MAST4: variants seen among roughly 807,000 people sequenced by gnomAD.
MAST4 encodes the protein microtubule-associated serine/threonine-protein kinase 4.
A neutral mutation model predicts 162.7 loss-of-function variants in MAST4; 89 were observed. The ratio of observed to expected loss-of-function variants is 0.55; its 90% CI spans 0.46 to 0.65. The LOEUF (loss-of-function observed/expected upper bound fraction) is 0.65, where lower values mean the gene tolerates loss of function less well. Among genes scored for constraint, MAST4 ranks in the 30% least tolerant of loss-of-function variants. The pLI is 0.00. For synonymous variants in MAST4, 1,479 were observed against 1,361.1 expected, an observed-to-expected ratio of 1.09 and a Z score of -1.91; for missense variants, 3,153 against 3,374.0, an observed-to-expected ratio of 0.93 and a Z score of 1.62.
intron 17 of MAST4, among the ~76,000 whole-genome samples, chr5:67,133,900 G>A (rs938318118): frequency 1.3e-5 from 2 of 152,178 alleles, no homozygotes; most frequent in Non-Finnish European, 2.9e-5. Context: ...GCACACAAGT[G>A]AGAGTGTGAG....
chr5:67,162,069 G>A (rs1028842805), intron 27 of MAST4, among the ~76,000 whole-genome samples: 3 of 152,054 alleles, frequency 2.0e-5, no homozygotes, highest in African/African-American at 4.8e-5. Flanking sequence ...CACCTTTCTC[G>A]GTTTTTTCTA....
intron 1 of MAST4, among the ~76,000 whole-genome samples, chr5:66,745,218 T>G (rs919808821): frequency 6.6e-6 from 1 of 152,206 alleles, no homozygotes; most frequent in African/African-American, 2.4e-5. Context: ...GCCTTCCTCC[T>G]CACCACTGTT....
intron 3 of MAST4, among the ~76,000 whole-genome samples, chr5:66,831,721 C>T (rs996992863): frequency 6.6e-6 from 1 of 152,280 alleles, no homozygotes; most frequent in Non-Finnish European, 1.5e-5. Flanking sequence ...ACTGATAGCA[C>T]TTCAATCACT....
At chr5:66,894,879 CT>C (rs928068369) in intron 3 of MAST4, among the ~76,000 whole-genome samples, 7 of 152,056 alleles carry the variant, frequency 4.6e-5, no homozygotes, top group Admixed American at 1.3e-4. Context: ...GCCAATATTC[CT>C]TTTTCCTGCC....
chr5:66,802,722 C>T (rs992347416), intron 3 of MAST4, among the ~76,000 whole-genome samples: 4 of 152,132 alleles, frequency 2.6e-5, no homozygotes, highest in African/African-American at 7.2e-5. Context: ...ATCACCCCAA[C>T]ACTTTCAGCG....
intron 3 of MAST4, among the ~76,000 whole-genome samples, chr5:66,866,205 C>CTGCGTTT (rs1760509489): frequency 6.6e-6 from 1 of 151,668 alleles, no homozygotes; most frequent in Non-Finnish European, 1.5e-5. Context: ...GTCGTAGGGT[C>CTGCGTTT]TGCATTTCAG....
chr5:66,788,070 A>G lies in MAST4; in HGVS notation c.518-600A>G, dbSNP rs958159749. On this transcript the variant is annotated intron_variant, in intron 2 of 28. Transcript: ENST00000403625. ...ATATTAGAGTTCAAGGTTGATGGAA[A>G]TTACTCAGTGAACCTAGACTGACAT... 3.9e-5 allele frequency among the ~76,000 whole-genome samples: 6 copies of G among 152,200 alleles called. No homozygotes were observed. In the East Asian group the frequency reaches 7.7e-4, roughly 20 times the overall value.
chr5:66,992,702 G>C (rs983811046), intron 4 of MAST4, among the ~76,000 whole-genome samples: 7 of 152,184 alleles, frequency 4.6e-5, no homozygotes, highest in African/African-American at 1.7e-4. Flanking sequence ...AAATGTGCTA[G>C]GAGAGGAGAT....
At chr5:66,904,299 TAAAC>T (rs1157178716) in intron 4 of MAST4, among the ~76,000 whole-genome samples, 3 of 152,152 alleles carry the variant, frequency 2.0e-5, no homozygotes, top group Non-Finnish European at 4.4e-5. Context: ...ATTGCCTAAA[TAAAC>T]AGCTCTCCAG....
chr5:66,714,761 TGAGTGG>T (rs1315608557), intron 1 of MAST4, among the ~76,000 whole-genome samples: 3 of 152,248 alleles, frequency 2.0e-5, no homozygotes, highest in Non-Finnish European at 4.4e-5. Flanking sequence ...TGCCGCACAC[TGAGTGG>T]GAGCCCCTGC....
At chr5:66,937,725 C>T (rs1742912840) in intron 4 of MAST4, among the ~76,000 whole-genome samples, 1 of 151,942 alleles carries the variant, frequency 6.6e-6, no homozygotes, top group Non-Finnish European at 1.5e-5. Flanking sequence ...TCCCTTCATG[C>T]TGTATTTCCC....
At chr5:66,671,829 C>T (rs990422229) in intron 1 of MAST4, among the ~76,000 whole-genome samples, 1 of 152,092 alleles carries the variant, frequency 6.6e-6, no homozygotes, top group Non-Finnish European at 1.5e-5. Context: ...CCAACTAATT[C>T]ACTCACTCTT....
intron 1 of MAST4, among the ~76,000 whole-genome samples, chr5:66,640,827 G>A (rs1452853570): frequency 6.6e-6 from 1 of 152,002 alleles, no homozygotes; most frequent in Non-Finnish European, 1.5e-5. Flanking sequence ...CATAATGGCT[G>A]TACTTTACAG....
intron 19 of MAST4, among the ~76,000 whole-genome samples, chr5:67,140,663 T>A (rs181125083): frequency 1.1e-4 from 16 of 152,358 alleles, no homozygotes; most frequent in Admixed American, 2.6e-4. Context: ...GCTTTATTGC[T>A]TATGCTTCAT....
intron 1 of MAST4, among the ~76,000 whole-genome samples, chr5:66,695,100 A>G (rs4699887): frequency 0.11 from 16,869 of 152,152 alleles, 1,017 homozygotes; most frequent in Admixed American, 0.16. Flanking sequence ...GCCTGTGCCT[A>G]TGTCCTGAAT....
intron 3 of MAST4, among the ~76,000 whole-genome samples, chr5:66,834,082 G>A (rs147294946): frequency 6.6e-6 from 1 of 152,312 alleles, no homozygotes; most frequent in East Asian, 1.9e-4. Flanking sequence ...GACTTGCACA[G>A]CAATTTTAAG....
At chr5:66,692,315 G>A (rs577849466) in intron 1 of MAST4, among the ~76,000 whole-genome samples, 20 of 151,890 alleles carry the variant, frequency 1.3e-4, no homozygotes, top group Non-Finnish European at 2.1e-4. Context: ...TTGCTTTTCT[G>A]TATCCCCTGT....
Position 67,090,159 on chromosome 5 carries a change from T to C in MAST4, c.764-3T>C, listed in dbSNP as rs977815695. On this transcript the variant is annotated splice_region_variant and splice_polypyrimidine_tract_variant and intron_variant, in intron 5 of 28. Transcript: ENST00000403625. Reference sequence around the variant, plus strand: ...TAAATTTCTCTCTTTTCTCTTTCTCTAGGAAATAGCCCTCAAGATAGTCCA... The same window carrying C: ...TAAATTTCTCTCTTTTCTCTTTCTCCAGGAAATAGCCCTCAAGATAGTCCA... The C allele has an allele frequency of 6.2e-7, 1 of 1,603,374 alleles. No individual in the cohort carries two copies.
At chr5:67,044,770 C>T (rs1757170826) in intron 4 of MAST4, among the ~76,000 whole-genome samples, 2 of 152,222 alleles carry the variant, frequency 1.3e-5, no homozygotes, top group East Asian at 1.9e-4. Flanking sequence ...GCCTTGGCCA[C>T]CCAAAGTGTT....
Sources: allele counts gnomAD v4.1 joint callset (sites outside exome capture counted in the v4.1 genomes callset), GRCh38; gene constraint gnomAD v4.1.1; transcripts MANE v1.5; gene names NCBI Gene and HGNC (gene_info 2026-07-23, HGNC 2026-07-21).